Variants in EPM2A observed in about 807,000 individuals in gnomAD.
The protein encoded by EPM2A is laforin.
EPM2A carries 21 observed loss-of-function variants against 26.5 expected under a neutral mutation model. That is an observed-to-expected ratio of 0.79 (90% CI 0.56 to 1.14). The LOEUF (loss-of-function observed/expected upper bound fraction) is 1.14. Among genes scored for constraint, EPM2A ranks in the 50% most tolerant of loss-of-function variants. The pLI is 0.00. For missense variants in EPM2A, 458 were observed against 440.8 expected (o/e 1.04, Z -0.35); for synonymous variants, 217 against 177.6 (o/e 1.22, Z -1.76).
chr6:145,692,927 A>T (rs749222075), intron 1 of EPM2A, among the ~76,000 whole-genome samples: 22 of 151,798 alleles, frequency 1.4e-4, no homozygotes, highest in Non-Finnish European at 2.9e-4. Flanking sequence ...TGAATTTTTA[A>T]AGTTTTTTCT....
chr6:145,460,976 T>C (rs1489016970), intron 4 of EPM2A, among the ~76,000 whole-genome samples: 2 of 152,270 alleles, frequency 1.3e-5, no homozygotes, highest in South Asian at 2.1e-4. Flanking sequence ...TGGTAATTAG[T>C]GGTTTTTATT....
intron 2 of EPM2A, among the ~76,000 whole-genome samples, chr6:145,607,501 C>T (rs1775288064): frequency 6.6e-6 from 1 of 152,014 alleles, no homozygotes; most frequent in Non-Finnish European, 1.5e-5. Context: ...GAATTTTTGC[C>T]CCTTTTAAGG....
intron 4 of EPM2A, among the ~76,000 whole-genome samples, chr6:145,385,055 T>C (rs1778240686): frequency 6.8e-6 from 1 of 148,062 alleles, no homozygotes; most frequent in African/African-American, 2.5e-5. Context: ...TAAAGGTTTT[T>C]CAGATGTTTA....
In EPM2A at chr6:145,682,171, G is replaced by A. The variant is rs544567857; in HGVS notation, c.476+3951C>T. Among the ~76,000 whole-genome samples the A allele has an allele frequency of 1.6e-4, 25 of 152,242 alleles. No homozygotes were observed. The East Asian group carries it at 2.3e-3, about 14-fold the overall frequency. ...TTGAAGGCAAGGAAGAGCAAGTCAC[G>A]TCTTACATGGATGGCAGCAGACAAA... On this transcript the variant is annotated intron_variant, in intron 2 of 3. Coordinates refer to ENST00000367519, the MANE Select transcript of EPM2A (RefSeq NM_005670.4).
At chr6:145,468,706 C>T (rs1779432528) in intron 4 of EPM2A, among the ~76,000 whole-genome samples, 1 of 152,036 alleles carries the variant, frequency 6.6e-6, no homozygotes, top group South Asian at 2.1e-4. Context: ...GAACCTCCCC[C>T]AGGACTTTGG....
intron 4 of EPM2A, among the ~76,000 whole-genome samples, chr6:145,398,895 A>G (rs9484987): frequency 1.3e-5 from 2 of 150,890 alleles, no homozygotes; most frequent in African/African-American, 4.9e-5. Flanking sequence ...ACTTTCTCCA[A>G]TGTTCCTGAC....
chr6:145,557,299 G>A (rs1436777329), intron 2 of EPM2A, among the ~76,000 whole-genome samples: 4 of 152,020 alleles, frequency 2.6e-5, no homozygotes, highest in Non-Finnish European at 5.9e-5. Flanking sequence ...CATTGGGTAC[G>A]ATGTACACTA....
At chr6:145,578,485 A>G (rs957341957) in intron 2 of EPM2A, among the ~76,000 whole-genome samples, 4 of 152,290 alleles carry the variant, frequency 2.6e-5, no homozygotes, top group African/African-American at 9.6e-5. Context: ...CCAAGATTGA[A>G]CCATGAAGAA....
rs560469112 is a variant in EPM2A at position 145,609,480 on chromosome 6, A to G, written c.340+25765T>C. Among the ~76,000 whole-genome samples the G allele has an allele frequency of 3.3e-5, 5 of 152,304 alleles. No homozygotes were observed. In the East Asian group the frequency reaches 7.7e-4, roughly 24 times the overall value. On this transcript the variant is annotated intron_variant, in intron 2 of 3. Transcript: ENST00000450221. ...TTATACCTAATCAAGACAGTTACAT[A>G]AACTCTAAATTATTTTAGGAGCTGA...
chr6:145,472,164 G>C (rs1779482255), intron 4 of EPM2A, among the ~76,000 whole-genome samples: 1 of 151,656 alleles, frequency 6.6e-6, no homozygotes, highest in Admixed American at 6.6e-5. Flanking sequence ...CCTTGGGCCA[G>C]AAGGGAACTT....
At chr6:145,553,559 C>T (rs1780683057) in intron 2 of EPM2A, among the ~76,000 whole-genome samples, 1 of 151,958 alleles carries the variant, frequency 6.6e-6, no homozygotes, top group Non-Finnish European at 1.5e-5. Context: ...GCTGCAGGGC[C>T]CAACTGGCAT....
At chr6:145,616,455 G>A (rs1013336393) in intron 2 of EPM2A, among the ~76,000 whole-genome samples, 2 of 152,224 alleles carry the variant, frequency 1.3e-5, no homozygotes, top group Admixed American at 1.3e-4. Context: ...AGGGCAGCGA[G>A]GAAGGGAAAT....
At chr6:145,456,337 A>AT (rs1354343774) in intron 4 of EPM2A, among the ~76,000 whole-genome samples, 1 of 152,220 alleles carries the variant, frequency 6.6e-6, no homozygotes, top group Non-Finnish European at 1.5e-5. Context: ...GCCAAATAAA[A>AT]TTTTTTGGAT....
chr6:145,641,499 C>G (rs984827647), intron 2 of EPM2A, among the ~76,000 whole-genome samples: 4 of 152,162 alleles, frequency 2.6e-5, no homozygotes, highest in African/African-American at 4.8e-5. Context: ...ATTGTTTAAG[C>G]CACACTGTCT....
intron 2 of EPM2A, among the ~76,000 whole-genome samples, chr6:145,595,212 G>A (rs975241304): frequency 2.0e-5 from 3 of 151,492 alleles, no homozygotes; most frequent in Admixed American, 6.6e-5. Flanking sequence ...GGTCTATTTT[G>A]TATTCTCTAT....
intron 4 of EPM2A, among the ~76,000 whole-genome samples, chr6:145,444,935 T>TA: frequency 6.6e-6 from 1 of 152,012 alleles, no homozygotes; most frequent in Non-Finnish European, 1.5e-5. Context: ...TAGATTTTTT[T>TA]TTTCATTCAT....
At chr6:145,536,638 C>T (rs924595516) in intron 2 of EPM2A, among the ~76,000 whole-genome samples, 1 of 152,128 alleles carries the variant, frequency 6.6e-6, no homozygotes, top group Non-Finnish European at 1.5e-5. Context: ...TTCACACAAA[C>T]CTGGGCTGTC....
intron 1 of EPM2A, among the ~76,000 whole-genome samples, chr6:145,717,639 A>G (rs899740909): frequency 3.9e-5 from 6 of 152,128 alleles, no homozygotes; most frequent in African/African-American, 1.4e-4. Context: ...AGGAGAAAGA[A>G]ATAAAGGGTA....
rs375127734 is a variant in EPM2A at position 145,483,116 on chromosome 6, GTTTC to G, written c.555+19402_555+19405del. On this transcript the variant is annotated intron_variant, in intron 4 of 4. Coordinates refer to the EPM2A transcript ENST00000638717. ...AATGGGCGAATGTAAGCTCATCAAA[GTTTC>G]TTTCTTTTTTTTTATTTTTTAAAAA... Among the ~76,000 whole-genome samples the G allele has an allele frequency of 6.2e-3, 941 of 151,936 alleles. 5 individuals carry two copies. The highest frequency in any genetic ancestry group is 8.3e-3 in the Non-Finnish European group (566 of 67,894).
Sources: gnomAD v4.1 joint callset for allele counts (sites outside exome capture counted in the v4.1 genomes callset) on GRCh38, gnomAD v4.1.1 for gene constraint, MANE v1.5 for transcripts, NCBI Gene and HGNC (gene_info 2026-07-23, HGNC 2026-07-21) for gene names.